Variants in TRPM1 observed in about 807,000 individuals in gnomAD.
TRPM1 encodes TRPM1-203 APA Isoform, Intron 10.
In TRPM1, 113 loss-of-function variants were observed where a neutral mutation model predicts 149.4. The ratio of observed to expected loss-of-function variants is 0.76; its 90% confidence interval spans 0.65 to 0.88. TRPM1 has a LOEUF of 0.88. Ranked by LOEUF, TRPM1 falls within the 40% of genes least tolerant of loss-of-function variation. TRPM1 has a pLI of 0.00. For missense variants in TRPM1, 1,976 were observed against 2,038.7 expected (o/e 0.97, Z 0.59); for synonymous variants, 741 against 759.5 (o/e 0.98, Z 0.40).
chr15:31,138,804 AT>A (rs1237237224), intron 1 of TRPM1, among the ~76,000 whole-genome samples: 1 of 152,218 alleles, frequency 6.6e-6, no homozygotes, highest in Non-Finnish European at 1.5e-5. Flanking sequence ...TTTAAAAAAA[AT>A]TCTTTGTAAA....
At chr15:31,141,555 A>G (rs1333778019) in intron 1 of TRPM1, among the ~76,000 whole-genome samples, 2 of 152,236 alleles carry the variant, frequency 1.3e-5, no homozygotes, top group Non-Finnish European at 1.5e-5. Context: ...AAAAAAATCT[A>G]TAAATATAAG....
At chr15:31,116,914 T>C (rs1327029349) in intron 1 of TRPM1, among the ~76,000 whole-genome samples, 1 of 152,182 alleles carries the variant, frequency 6.6e-6, no homozygotes, top group Non-Finnish European at 1.5e-5. Flanking sequence ...CATGTCTGGC[T>C]TTCAATAAAA....
intron 1 of TRPM1, among the ~76,000 whole-genome samples, chr15:31,093,595 G>GT (rs373482536): frequency 0.019 from 2,859 of 146,884 alleles, 78 homozygotes; most frequent in African/African-American, 0.061. Flanking sequence ...GAGCAATCTG[G>GT]TTTTTTTTTT....
At chr15:31,145,950 AC>A (rs2036219734) in intron 1 of TRPM1, among the ~76,000 whole-genome samples, 1 of 152,076 alleles carries the variant, frequency 6.6e-6, no homozygotes. Context: ...AACGCAAAAA[AC>A]ATCTCATAAT....
upstream of TRPM1, among the ~76,000 whole-genome samples, chr15:31,105,654 G>C (rs17815839): frequency 0.1 from 15,877 of 152,180 alleles, 1,006 homozygotes; most frequent in Middle Eastern, 0.21. Flanking sequence ...CCTGAATATA[G>C]TTTCAAGTAA....
chr15:31,080,934 C>G (rs891038798), intron 2 of TRPM1, among the ~76,000 whole-genome samples: 6 of 152,062 alleles, frequency 3.9e-5, no homozygotes, highest in Admixed American at 3.9e-4. Flanking sequence ...CGCAGCCTGC[C>G]CTACAGGACT....
intron 16 of TRPM1, among the ~76,000 whole-genome samples, chr15:31,043,275 G>A (rs1004896875): frequency 4.6e-5 from 7 of 152,176 alleles, no homozygotes; most frequent in Non-Finnish European, 1.0e-4. Context: ...CTCACTGCAA[G>A]CTCTGCCTCC....
At chr15:31,041,849 C>A in intron 17 of TRPM1, 102 bp downstream of exon 17, 1 of 1,278,198 alleles carries the variant, frequency 7.8e-7, no homozygotes. Flanking sequence ...CTTTAACCAC[C>A]ATTGTCCTTA....
In TRPM1 at chr15:31,026,906, T is replaced by C. The variant is rs1481765778; in HGVS notation, c.3496+9A>G. On this transcript the variant is annotated intron_variant, in intron 26 of 27. Transcript: ENST00000256552. ...AGCCCAACTTAGAAATGAAGAGCCC[T>C]GCACATACTCAATCCACGATCCCGT... 1.2e-6 allele frequency: 2 copies of C among 1,613,188 alleles called. No homozygotes were observed. The highest frequency in any genetic ancestry group is 1.7e-5 in the Admixed American group (1 of 60,020).
At chr15:31,052,231 CA>C (rs1378815754) in intron 11 of TRPM1, among the ~76,000 whole-genome samples, 3 of 152,072 alleles carry the variant, frequency 2.0e-5, no homozygotes, top group Non-Finnish European at 4.4e-5. Flanking sequence ...GAGCTTATGT[CA>C]GGGGAGGTGT....
intron 21 of TRPM1, among the ~76,000 whole-genome samples, chr15:31,033,867 A>G (rs16956471): frequency 0.16 from 24,036 of 152,154 alleles, 2,268 homozygotes; most frequent in African/African-American, 0.26. Context: ...CAGAATTTGA[A>G]TGAGGCCCAG....
At chr15:31,128,738 C>G (rs783025) in intron 1 of TRPM1, among the ~76,000 whole-genome samples, 45,927 of 152,182 alleles carry the variant, frequency 0.3, 7,151 homozygotes, top group Middle Eastern at 0.34. Context: ...GGGCTGGCCC[C>G]TTGGGTGGGC....
In TRPM1 at chr15:31,050,503, C is replaced by G; in HGVS notation, c.1343G>C (p.Gly448Ala). 1 of 1,614,138 alleles carries G rather than the reference C, an allele frequency of 6.2e-7. No individual in the cohort carries two copies. The highest frequency in any genetic ancestry group is 8.5e-7 in the Non-Finnish European group (1 of 1,180,030). The change falls in exon 12 of 28, where the codon GGA becomes GCA. Residue 448 changes from glycine to alanine, a missense_variant. This residue lies in a region of TRPM1 where 1,332 missense variants were observed against 1,347.1 expected (regional missense o/e 0.99). Transcript: ENST00000256552. ...CTTGCCTTTCCCTTTTCCTCTTCCTCCCTTGGTGGTGGCCATGGGTGGCTT... is the reference window on the plus strand; with the variant it reads ...CTTGCCTTTCCCTTTTCCTCTTCCTGCCTTGGTGGTGGCCATGGGTGGCTT... ...EKKPPMATTK[G>A]GRGKGKGKKK...
At chr15:31,123,700 T>C (rs2141035913) in intron 1 of TRPM1, among the ~76,000 whole-genome samples, 1 of 152,328 alleles carries the variant, frequency 6.6e-6, no homozygotes, top group South Asian at 2.1e-4. Flanking sequence ...AACTGACAAT[T>C]TCAAATGCTA....
chr15:31,089,911 G>C (rs1596061656), intron 1 of TRPM1, among the ~76,000 whole-genome samples: 1 of 152,222 alleles, frequency 6.6e-6, no homozygotes, highest in East Asian at 1.9e-4. Flanking sequence ...AGAGGATCCT[G>C]GGTTGGCCGG....
intron 21 of TRPM1, among the ~76,000 whole-genome samples, chr15:31,033,180 T>C (rs963441362): frequency 6.6e-6 from 1 of 152,196 alleles, no homozygotes; most frequent in Non-Finnish European, 1.5e-5. Flanking sequence ...CTAAATTATG[T>C]CCTTCTGGCT....
chr15:31,004,228 C>G (rs2031893549), intron 27 of TRPM1, among the ~76,000 whole-genome samples: 3 of 152,054 alleles, frequency 2.0e-5, no homozygotes, highest in Admixed American at 1.3e-4. Flanking sequence ...GCTACCTTCT[C>G]TGCACATCCT....
intron 16 of TRPM1, 26 bp from the exon 17 acceptor site, chr15:31,042,269 G>T: frequency 6.4e-7 from 1 of 1,552,552 alleles, no homozygotes; most frequent in Non-Finnish European, 8.7e-7. Flanking sequence ...TGGATTTCAT[G>T]GTTTTGCCAT....
chr15:31,042,111 G>T lies in TRPM1; in HGVS notation c.1927C>A (p.Leu643Met), dbSNP rs762600143. The stretch of plus-strand genomic sequence containing the variant: ...ACTGCCATTTTCTGGCGTTTCATCA[G>T]CACTGCCCACACCATCAGCTCGTGG... ...PFHELMVWAV[L>M]MKRQKMAVFL... The change falls in exon 17 of 28, where the codon CTG (leucine) becomes ATG (methionine). Residue 643 changes from leucine (L) to methionine (M), a missense_variant. Coordinates refer to ENST00000256552, the MANE Select transcript of TRPM1 (RefSeq NM_001252024.2). 1 of 1,614,184 alleles carries T rather than the reference G, an allele frequency of 6.2e-7. No individual in the cohort carries two copies. Among genetic ancestry groups the T allele is most frequent in the Non-Finnish European group, 8.5e-7 (1 of 1,180,024 alleles).
Sources: gnomAD v4.1 joint callset for allele counts (sites outside exome capture counted in the v4.1 genomes callset) on GRCh38, gnomAD v4.1.1 for gene constraint, gnomAD v4.1.1 regional missense constraint, MANE v1.5 for transcripts, NCBI Gene and HGNC (gene_info 2026-07-23, HGNC 2026-07-21) for gene names.